The following NUP58 variants were observed in gnomAD, a reference collection of about 807,000 sequenced individuals.
NUP58 encodes nucleoporin 58.
Under a neutral mutation model 70.1 loss-of-function variants are expected in NUP58, and 17 were observed. The ratio of observed to expected loss-of-function variants is 0.24; its 90% CI spans 0.17 to 0.36. The LOEUF (loss-of-function observed/expected upper bound fraction) is 0.36, where lower values mean the gene tolerates loss of function less well. Ranked by LOEUF, NUP58 falls within the 10% of genes least tolerant of loss-of-function variation. The pLI, the probability that NUP58 is intolerant of heterozygous loss-of-function variation, is 1.00. For synonymous variants in NUP58, 275 were observed against 257.6 expected (o/e 1.07, Z -0.65); for missense variants, 644 against 701.5 (o/e 0.92, Z 0.93).
At chr13:25,330,013 G>A (rs1232725280) in intron 12 of NUP58, among the ~76,000 whole-genome samples, 1 of 152,056 alleles carries the variant, frequency 6.6e-6, no homozygotes, top group Non-Finnish European at 1.5e-5. Flanking sequence ...ACTTTTTGTA[G>A]AGAGGGGCAC....
At chr13:25,329,294 G>A (rs2031517702) in intron 12 of NUP58, among the ~76,000 whole-genome samples, 1 of 152,066 alleles carries the variant, frequency 6.6e-6, no homozygotes, top group African/African-American at 2.4e-5. Flanking sequence ...TGCTGAACTT[G>A]TTTTATCAAT....
At position 25,333,740 on chromosome 13, in the gene NUP58, A is replaced by G. The variant is rs573962761; in HGVS notation, c.1435+2182A>G. Reference sequence around the variant, plus strand: ...TATCAAATGGTGTTTTGTACCCCATAAGTTATCCCTTATGCCCTGTGACTT... The same window carrying G: ...TATCAAATGGTGTTTTGTACCCCATGAGTTATCCCTTATGCCCTGTGACTT... On this transcript the variant is annotated intron_variant, in intron 13 of 15. Coordinates refer to ENST00000381736, the MANE Select transcript of NUP58 (RefSeq NM_014089.4). 4 of 985,358 alleles carry G rather than the reference A, an allele frequency of 4.1e-6. 1 individual carries two copies. The East Asian group carries it at 4.5e-4, about 112-fold the overall frequency. The allele number at this position is 985,358 out of a possible 1,614,324, so 61.0% of individuals were successfully genotyped here.
At chr13:25,310,135 T>G (rs1026127528) in intron 3 of NUP58, 3 of 203,326 alleles carry the variant, frequency 1.5e-5, no homozygotes, top group African/African-American at 7.1e-5. Context: ...CTCAAACTCT[T>G]GGGCTCAAGC....
chr13:25,338,789 A>T, intron 15 of NUP58, 58 bp downstream of exon 15: 1 of 1,452,368 alleles, frequency 6.9e-7, no homozygotes, highest in Non-Finnish European at 9.6e-7. Flanking sequence ...TATTTAATTT[A>T]AAAGTATGTG....
At chr13:25,302,510 C>T (rs1173157271) in intron 1 of NUP58, among the ~76,000 whole-genome samples, 1 of 152,206 alleles carries the variant, frequency 6.6e-6, no homozygotes, top group Non-Finnish European at 1.5e-5. Context: ...TTGTCTTTTA[C>T]TTAAATTACA....
Position 25,327,029 on chromosome 13 carries a change from C to T in NUP58, c.1145C>T (p.Pro382Leu), listed in dbSNP as rs754756938. 14 of 1,553,056 alleles carry T rather than the reference C, an allele frequency of 9.0e-6. No homozygotes were observed. The highest frequency in any genetic ancestry group is 2.3e-5 in the East Asian group (1 of 44,182). ...ATQANNSHIT[P>L]QDLSMAMQKI... is the part of the protein sequence containing the mutation. ...CAAGCAAATAATTCACATATAACCC[C>T]TCAAGGTAACATGCTTACTGTGGTA... is the stretch of plus-strand genomic sequence containing the variant. Residue 382 changes from proline to leucine, a missense_variant, in exon 11 of 16, where the codon CCT (proline) becomes CTT (leucine). Physicochemically the swap from Pro to Leu is moderately conservative, Grantham distance 98. This residue lies in a region of NUP58 where 78 missense variants were observed against 71.3 expected (regional missense o/e 1.09). Coordinates refer to ENST00000381736, the MANE Select transcript of NUP58 (RefSeq NM_014089.4).
chr13:25,329,320 C>CT (rs200999397), intron 12 of NUP58, among the ~76,000 whole-genome samples: 2 of 152,144 alleles, frequency 1.3e-5, no homozygotes, highest in Admixed American at 6.5e-5. Flanking sequence ...ACAGAAGATG[C>CT]TTTTTTTCCC....
At chr13:25,344,680 A>G (rs1373986668), downstream of NUP58, among the ~76,000 whole-genome samples, 1 of 152,220 alleles carries the variant, frequency 6.6e-6, no homozygotes, top group Non-Finnish European at 1.5e-5. Flanking sequence ...CAATAAGCAC[A>G]GCATGATACA....
At position 25,312,945 on chromosome 13, in the gene NUP58, G is replaced by A; in HGVS notation, c.349G>A (p.Ala117Thr). 1 of 1,614,132 alleles carries A rather than the reference G, an allele frequency of 6.2e-7. No individual in the cohort carries two copies. Among genetic ancestry groups the A allele is most frequent in the South Asian group, 1.1e-5 (1 of 91,074 alleles). Reference sequence around the variant, plus strand: ...CAGTTTAGGATTCAATAAACCTGCAGCATCTGCCACACCATTTGCTCTACC... The same window carrying A: ...CAGTTTAGGATTCAATAAACCTGCAACATCTGCCACACCATTTGCTCTACC... Reference protein sequence around the residue: ...GFSLGFNKPAASATPFALPIT... With the variant: ...GFSLGFNKPATSATPFALPIT... The change falls in exon 4 of 16, where the codon GCA becomes ACA. Residue 117 changes from alanine to threonine, a missense_variant. Coordinates refer to ENST00000381736, the MANE Select transcript of NUP58 (RefSeq NM_014089.4).
chr13:25,320,595 A>G lies in NUP58; in HGVS notation c.776A>G (p.Gln259Arg), dbSNP rs2031140328. The change falls in exon 8 of 16, where the codon CAG becomes CGG. Residue 259 changes from glutamine to arginine, a missense_variant and splice_region_variant. Gln to Arg is a conservative substitution (Grantham distance 43). Coordinates refer to ENST00000381736, the MANE Select transcript of NUP58 (RefSeq NM_014089.4). ...PVICQDVENLQKFVKEQKQVQ... is the reference protein window; with the variant it reads ...PVICQDVENLRKFVKEQKQVQ... ...ATCTGCCAGGATGTTGAAAATCTCCAGTAAGTGTCAAATATAATTAGATAA... is the reference window on the plus strand; with the variant it reads ...ATCTGCCAGGATGTTGAAAATCTCCGGTAAGTGTCAAATATAATTAGATAA... The G allele has an allele frequency of 6.3e-7, 1 of 1,591,312 alleles. No individual in the cohort carries two copies. The highest frequency in any genetic ancestry group is 8.6e-7 in the Non-Finnish European group (1 of 1,160,140).
chr13:25,320,622 T>C, intron 8 of NUP58, 27 bp downstream of exon 8: 2 of 1,502,240 alleles, frequency 1.3e-6, no homozygotes, highest in Non-Finnish European at 1.8e-6. Context: ...ATTAGATAAA[T>C]AACACTTGAA....
At chr13:25,332,403 C>T (rs902373471) in intron 13 of NUP58, 116 of 985,122 alleles carry the variant, frequency 1.2e-4, no homozygotes, top group Non-Finnish European at 1.4e-4. Flanking sequence ...TGAAGCTTGA[C>T]ATGGAAAAAT....
intron 6 of NUP58, among the ~76,000 whole-genome samples, chr13:25,318,753 G>A (rs1257830966): frequency 6.6e-6 from 1 of 152,178 alleles, no homozygotes; most frequent in Admixed American, 6.5e-5. Flanking sequence ...GTCCGTTGTT[G>A]TGAGGGTGTG....
chr13:25,308,045 G>T, intron 2 of NUP58, 97 bp downstream of exon 2: 1 of 1,367,222 alleles, frequency 7.3e-7, no homozygotes, highest in African/African-American at 1.4e-5. Context: ...ATCACTGGTA[G>T]TAGACCTTAA....
At chr13:25,303,129 A>C in intron 1 of NUP58, 1 of 455,400 alleles carries the variant, frequency 2.2e-6, no homozygotes, top group Non-Finnish European at 4.4e-6. Context: ...CAACTTCTTC[A>C]ATCTGTTCTG....
chr13:25,314,488 G>C (rs554764744), intron 5 of NUP58, among the ~76,000 whole-genome samples: 1 of 152,150 alleles, frequency 6.6e-6, no homozygotes, highest in South Asian at 2.1e-4. Context: ...CTGAGGTCAG[G>C]AGTTCGAGAC....
Position 25,327,412 on chromosome 13 carries a change from TG to T in NUP58, c.1151-17del. On this transcript the variant is annotated splice_polypyrimidine_tract_variant and intron_variant, in intron 11 of 15. Transcript: ENST00000381736. The stretch of plus-strand genomic sequence containing the variant: ...ATATATGTATATATTTGGGTGATAA[TG>T]TAATTTTCTTTTATAGATTTGTCAA... 6.7e-7 allele frequency: 1 copy of T among 1,500,424 alleles called. No homozygotes were observed. Among genetic ancestry groups the T allele is most frequent in the Non-Finnish European group, 9.3e-7 (1 of 1,080,980 alleles). The allele number at this position is 1,500,424 out of a possible 1,614,324, so 92.9% of individuals were successfully genotyped here. A position where few individuals can be genotyped will look rare whatever the true frequency, so the allele number is the denominator to read the frequency against.
chr13:25,313,549 TG>T (rs2030778040), intron 4 of NUP58, 64 bp from the exon 5 acceptor site: 1 of 1,336,126 alleles, frequency 7.5e-7, no homozygotes, highest in African/African-American at 1.5e-5. Flanking sequence ...ACATCGTATT[TG>T]TATTTTTCTA....
At chr13:25,332,821 G>A in intron 13 of NUP58, 1 of 985,386 alleles carries the variant, frequency 1.0e-6, no homozygotes, top group Non-Finnish European at 1.2e-6. Context: ...GTCATTATGG[G>A]ATTGATTCCT....
Sources: allele counts gnomAD v4.1 joint callset (sites outside exome capture counted in the v4.1 genomes callset), GRCh38; gene constraint gnomAD v4.1.1; regional missense constraint gnomAD v4.1.1; transcripts MANE v1.5; gene names NCBI Gene and HGNC (gene_info 2026-07-23, HGNC 2026-07-21).